The following THEMIS variants were observed in gnomAD, a reference collection of about 807,000 sequenced individuals.
The protein encoded by THEMIS is protein THEMIS.
THEMIS carries 37 observed loss-of-function variants against 52.6 expected under a neutral mutation model. That is an observed-to-expected ratio of 0.70 (90% CI 0.54 to 0.93). THEMIS has a LOEUF of 0.93. THEMIS is among the 40% of genes least tolerant of loss of function. THEMIS has a pLI of 0.00. For synonymous variants in THEMIS, 292 were observed against 272.7 expected (o/e 1.07, Z -0.70); for missense variants, 808 against 763.1 (o/e 1.06, Z -0.69).
intron 4 of THEMIS, among the ~76,000 whole-genome samples, chr6:127,724,854 T>A (rs1202317170): frequency 2.6e-5 from 4 of 151,906 alleles, no homozygotes; most frequent in African/African-American, 9.7e-5. Context: ...CAAAAAAAAA[T>A]TGGAAAGAGC....
chr6:127,912,653 C>T (rs993667090), intron 1 of THEMIS, among the ~76,000 whole-genome samples: 2 of 152,150 alleles, frequency 1.3e-5, no homozygotes, highest in African/African-American at 4.8e-5. Context: ...AAACCCAAAC[C>T]TGTCTTTGAG....
intron 4 of THEMIS, among the ~76,000 whole-genome samples, chr6:127,731,864 AT>A (rs58263706): frequency 0.073 from 3,044 of 41,644 alleles, 334 homozygotes; most frequent in East Asian, 0.19. Context: ...TGCCCGGCTA[AT>A]TTTTTTTTTT....
chr6:127,790,856 C>A (rs1777132560), intron 4 of THEMIS, among the ~76,000 whole-genome samples: 1 of 152,200 alleles, frequency 6.6e-6, no homozygotes, highest in Admixed American at 6.5e-5. Context: ...CACCAGCTCC[C>A]TGCAAGGCTG....
chr6:127,729,907 A>G (rs1386584627), intron 4 of THEMIS, among the ~76,000 whole-genome samples: 6 of 152,174 alleles, frequency 3.9e-5, no homozygotes, highest in East Asian at 1.9e-4. Context: ...AAAAATATCT[A>G]CCAATTTTGC....
chr6:127,861,451 A>G (rs1475400699), intron 1 of THEMIS, among the ~76,000 whole-genome samples: 1 of 151,922 alleles, frequency 6.6e-6, no homozygotes, highest in East Asian at 1.9e-4. Context: ...TTAATTAAAC[A>G]CTCCATTAGC....
intron 4 of THEMIS, among the ~76,000 whole-genome samples, chr6:127,729,956 C>T (rs1421011356): frequency 6.6e-6 from 1 of 152,064 alleles, no homozygotes; most frequent in Non-Finnish European, 1.5e-5. Context: ...TTTGATCTAC[C>T]TTGATGTCAA....
At chr6:127,911,992 T>G (rs368437461) in intron 1 of THEMIS, among the ~76,000 whole-genome samples, 3 of 152,142 alleles carry the variant, frequency 2.0e-5, no homozygotes, top group Non-Finnish European at 4.4e-5. Flanking sequence ...CTGATGTTTT[T>G]CTCATGGTTC....
At chr6:127,757,730 G>A (rs748717129) in intron 4 of THEMIS, among the ~76,000 whole-genome samples, 20 of 151,976 alleles carry the variant, frequency 1.3e-4, no homozygotes, top group African/African-American at 1.7e-4. Flanking sequence ...TGATTGGCCC[G>A]CCTCGGCCTC....
rs1011419549 is a variant in THEMIS at position 127,830,741 on chromosome 6, G to A, written c.251-807C>T. On this transcript the variant is annotated intron_variant, in intron 2 of 5. Transcript: ENST00000368248. Reference sequence around the variant, plus strand: ...AATAAAAGCTATATAGCTTGGACTAGATAGATAGCAGTGATGGTTGCACAA... The same window carrying A: ...AATAAAAGCTATATAGCTTGGACTAAATAGATAGCAGTGATGGTTGCACAA... Among the ~76,000 whole-genome samples, 123 of 152,030 alleles carry A rather than the reference G, an allele frequency of 8.1e-4. 1 individual carries two copies. Among genetic ancestry groups the A allele is most frequent in the African/African-American group, 2.9e-3 (122 of 41,408 alleles).
chr6:127,883,536 A>C (rs1299747765), intron 1 of THEMIS, among the ~76,000 whole-genome samples: 1 of 151,992 alleles, frequency 6.6e-6, no homozygotes, highest in Non-Finnish European at 1.5e-5. Flanking sequence ...ATATTTATGT[A>C]TAGACATACA....
intron 4 of THEMIS, among the ~76,000 whole-genome samples, chr6:127,768,067 A>G (rs1414815253): frequency 6.6e-6 from 1 of 152,166 alleles, no homozygotes; most frequent in Non-Finnish European, 1.5e-5. Context: ...ATATTCATTA[A>G]TACATCTTTC....
chr6:127,813,569 C>A lies in THEMIS; in HGVS notation c.1072G>T (p.Ala358Ser). 6.2e-7 allele frequency: 1 copy of A among 1,613,672 alleles called. No individual in the cohort carries two copies. The highest frequency in any genetic ancestry group is 8.5e-7 in the Non-Finnish European group (1 of 1,179,868). The change falls in exon 4 of 6, where the codon GCT (alanine) becomes TCT (serine). Residue 358 changes from alanine (A) to serine (S), a missense_variant. Physicochemically the swap from Ala to Ser is moderately conservative, Grantham distance 99. Transcript: ENST00000368248. ...EFPTAYDLEI[A>S]KSEKEPLHVV... ...TGAAGAGGCTCCTTTTCACTCTTAG[C>A]GATCTCTAGGTCATAGGCCGTTGGG...
intron 1 of THEMIS, among the ~76,000 whole-genome samples, chr6:127,887,016 C>G (rs9491885): frequency 1.3e-4 from 19 of 151,756 alleles, no homozygotes; most frequent in South Asian, 2.1e-4. Context: ...ACCTCCCCCC[C>G]CAAAAAATAC....
intron 2 of THEMIS, among the ~76,000 whole-genome samples, chr6:127,851,481 A>C (rs1211513074): frequency 1.4e-5 from 2 of 146,352 alleles, no homozygotes; most frequent in Non-Finnish European, 3.0e-5. Flanking sequence ...AAGAATTCTT[A>C]AAACATAACA....
the THEMIS span, among the ~76,000 whole-genome samples, chr6:127,699,341 G>A: frequency 6.6e-6 from 1 of 151,168 alleles, no homozygotes; most frequent in East Asian, 1.9e-4. Context: ...AGTGTAGGCC[G>A]CTCTTCTTCC....
At chr6:127,858,948 C>T (rs899046134) in intron 1 of THEMIS, among the ~76,000 whole-genome samples, 3 of 151,940 alleles carry the variant, frequency 2.0e-5, no homozygotes, top group Non-Finnish European at 2.9e-5. Context: ...CTACTTTGCT[C>T]AATAAAAACG....
intron 4 of THEMIS, among the ~76,000 whole-genome samples, chr6:127,729,594 T>A (rs905533720): frequency 6.6e-6 from 1 of 152,136 alleles, no homozygotes; most frequent in Non-Finnish European, 1.5e-5. Flanking sequence ...TGCCTCCCCC[T>A]TGGAATATGA....
chr6:127,797,378 CT>C (rs1777364748), intron 4 of THEMIS, among the ~76,000 whole-genome samples: 1 of 152,158 alleles, frequency 6.6e-6, no homozygotes, highest in African/African-American at 2.4e-5. Context: ...AGTGCTTCTA[CT>C]CCAGGAAATA....
chr6:127,896,809 A>G (rs954793116), intron 1 of THEMIS, among the ~76,000 whole-genome samples: 2 of 151,582 alleles, frequency 1.3e-5, no homozygotes, highest in Admixed American at 6.6e-5. Context: ...AAACCTAGGC[A>G]TTTATATTTT....
Sources: allele counts gnomAD v4.1 joint callset (sites outside exome capture counted in the v4.1 genomes callset), GRCh38; gene constraint gnomAD v4.1.1; transcripts MANE v1.5; gene names NCBI Gene and HGNC (gene_info 2026-07-23, HGNC 2026-07-21).